The following HSPBP1 variants were observed in gnomAD, a reference collection of about 807,000 sequenced individuals.
The protein encoded by HSPBP1 is HSPA (Hsp70) binding protein 1.
A neutral mutation model predicts 41.7 loss-of-function variants in HSPBP1; 31 were observed. That is an observed-to-expected ratio of 0.74 (90% CI 0.56 to 1.00). The LOEUF is 1.00. Among genes scored for constraint, HSPBP1 ranks in the 50% least tolerant of loss-of-function variants. The pLI is 0.00. For synonymous variants in HSPBP1, 199 were observed against 214.4 expected (o/e 0.93, Z 0.63); for missense variants, 439 against 487.9 (o/e 0.90, Z 0.94).
chr19:55,263,597 A>G (rs2087700432), intron 7 of HSPBP1, among the ~76,000 whole-genome samples: 1 of 152,232 alleles, frequency 6.6e-6, no homozygotes, highest in African/African-American at 2.4e-5. Flanking sequence ...TGCTACAAAA[A>G]AGAGCCCATC....
chr19:55,278,017 T>A (rs895606373), intron 2 of HSPBP1, among the ~76,000 whole-genome samples, 171 bp from the exon 3 acceptor site: 1 of 151,762 alleles, frequency 6.6e-6, no homozygotes, highest in Non-Finnish European at 1.5e-5. Flanking sequence ...GAGGCCGAGG[T>A]GGGTAGACTG....
chr19:55,274,084 C>T (rs538622265), intron 4 of HSPBP1, among the ~76,000 whole-genome samples: 2 of 152,200 alleles, frequency 1.3e-5, no homozygotes, highest in East Asian at 1.9e-4. Context: ...GTGCACAGGA[C>T]GGCCCCCGAG....
At chr19:55,266,564 C>T (rs1248452208) in intron 4 of HSPBP1, among the ~76,000 whole-genome samples, 2 of 3,458 alleles carry the variant, frequency 5.8e-4, no homozygotes, top group Admixed American at 2.7e-3. Flanking sequence ...ATCACCATCA[C>T]TATCACCATC....
In HSPBP1 at chr19:55,272,964, C is replaced by G. The variant is rs1383040205; in HGVS notation, c.640+1434G>C. On this transcript the variant is annotated intron_variant, in intron 4 of 7. Transcript: ENST00000433386. This position sits in a 1 kb window ranked among gnomAD's most constrained non-coding sequence, Gnocchi z 4.2. The stretch of plus-strand genomic sequence containing the variant: ...AGAGAGTGATGATGGCTGCACAGCA[C>G]TGAATACACTAAGAAGTACTACGTT... 6.6e-6 allele frequency among the ~76,000 whole-genome samples: 1 copy of G among 152,188 alleles called. No individual in the cohort carries two copies. The highest frequency in any genetic ancestry group is 1.5e-5 in the Non-Finnish European group (1 of 68,040).
In HSPBP1 at chr19:55,274,394, T is replaced by C; in HGVS notation, c.640+4A>G. 2 of 1,024,980 alleles carry C rather than the reference T, an allele frequency of 2.0e-6. No homozygotes were observed. The highest frequency in any genetic ancestry group is 2.6e-6 in the Non-Finnish European group (2 of 778,348). 63.5% of individuals were successfully genotyped at this position (1,024,980 alleles called of 1,614,324 possible). A position where few individuals can be genotyped will look rare whatever the true frequency, so the allele number is the denominator to read the frequency against. On this transcript the variant is annotated splice_donor_region_variant and intron_variant, in intron 4 of 7. Transcript: ENST00000433386. The stretch of plus-strand genomic sequence containing the variant: ...CCTGTCCCCAGCCCCACCCGGACAC[T>C]CACAGGAGATGGCGAAGAGGGCCTT...
At chr19:55,266,307 C>T in intron 4 of HSPBP1, 21 bp from the exon 5 acceptor site, 1 of 1,554,222 alleles carries the variant, frequency 6.4e-7, no homozygotes, top group African/African-American at 1.4e-5. Flanking sequence ...GGGAAAGGTC[C>T]TGAGCTTGCA....
At position 55,270,985 on chromosome 19, in the gene HSPBP1, A is replaced by G. The variant is rs1397342911; in HGVS notation, c.640+3413T>C. 2.0e-5 allele frequency among the ~76,000 whole-genome samples: 3 copies of G among 148,782 alleles called. No individual in the cohort carries two copies. Among genetic ancestry groups the G allele is most frequent in the Non-Finnish European group, 4.5e-5 (3 of 67,216 alleles). On this transcript the variant is annotated intron_variant, in intron 4 of 7. Transcript: ENST00000433386. This position sits in a 1 kb window ranked among gnomAD's most constrained non-coding sequence, Gnocchi z 5.4. ...CAAACACCCCACATACACACCATAC[A>G]CACCCTACACACGCGCCACACACCC... is the stretch of plus-strand genomic sequence containing the variant.
chr19:55,270,571 C>A lies in HSPBP1; in HGVS notation c.640+3827G>T, dbSNP rs73935340. Among the ~76,000 whole-genome samples, 9,140 of 152,168 alleles carry A rather than the reference C, an allele frequency of 0.06. 327 individuals carry two copies. The highest frequency in any genetic ancestry group is 0.073 in the African/African-American group (3,016 of 41,490). On this transcript the variant is annotated intron_variant, in intron 4 of 7. Transcript: ENST00000433386. The surrounding 1 kb of genome is among the most constrained non-coding windows in gnomAD (Gnocchi z 5.4). ...GAAGGGGAAAGATAAGCTACTGTTG[C>A]TTAAGAAAAAAGGACAGAGGCAGGT...
intron 7 of HSPBP1, among the ~76,000 whole-genome samples, chr19:55,264,535 C>T (rs2087722005): frequency 6.6e-6 from 1 of 152,136 alleles, no homozygotes; most frequent in South Asian, 2.1e-4. Flanking sequence ...TATCTGATGA[C>T]TTGTTATTTA....
rs1246180469 is a variant in HSPBP1, at chr19:55,262,443, G to A, written c.*165C>T. ...ATGGGAGGTGGGGTCCAAGGAGCTGGTGCCTTTCTCAGCGCCCCTTCCAGG... is the reference window on the plus strand; with the variant it reads ...ATGGGAGGTGGGGTCCAAGGAGCTGATGCCTTTCTCAGCGCCCCTTCCAGG... On this transcript the variant is annotated 3_prime_UTR_variant, in exon 8 of 8. Coordinates refer to ENST00000433386, the MANE Select transcript of HSPBP1 (RefSeq NM_012267.5). The A allele has an allele frequency of 4.2e-6, 6 of 1,427,800 alleles. No homozygotes were observed. Among genetic ancestry groups the A allele is most frequent in the African/African-American group, 1.4e-5 (1 of 69,674 alleles). The allele number at this position is 1,427,800 out of a possible 1,614,324, so 88.4% of individuals were successfully genotyped here.
intron 4 of HSPBP1, 70 bp downstream of exon 4, chr19:55,274,328 T>A (rs1030934997): frequency 7.5e-5 from 92 of 1,224,782 alleles, no homozygotes; most frequent in Non-Finnish European, 9.7e-5. Context: ...CCCCAGCAGA[T>A]CCCGGGGGCC....
chr19:55,270,488 C>T lies in HSPBP1; in HGVS notation c.640+3910G>A, dbSNP rs1304683664. ...GCAACCTCATGCAACCTCATGAAGA[C>T]GCAAAGCCAGAAGCCGCCCTCCTCA... On this transcript the variant is annotated intron_variant, in intron 4 of 7. Coordinates refer to ENST00000433386, the MANE Select transcript of HSPBP1 (RefSeq NM_012267.5). This position sits in a 1 kb window ranked among gnomAD's most constrained non-coding sequence, Gnocchi z 5.4. Among the ~76,000 whole-genome samples the T allele has an allele frequency of 2.0e-5, 3 of 152,126 alleles. No homozygotes were observed. Among genetic ancestry groups the T allele is most frequent in the African/African-American group, 4.8e-5 (2 of 41,422 alleles).
intron 3 of HSPBP1, among the ~76,000 whole-genome samples, chr19:55,277,397 G>A (rs888648784): frequency 2.0e-5 from 3 of 152,222 alleles, no homozygotes; most frequent in Admixed American, 6.5e-5. Context: ...CTGGGGAGTG[G>A]CAGTGGACAC....
rs377149550 is a variant in HSPBP1, at chr19:55,266,298, G to A, written c.641-12C>T. 4.9e-5 allele frequency: 77 copies of A among 1,563,108 alleles called. No individual in the cohort carries two copies. The African/African-American group carries it at 8.9e-4, about 18-fold the overall frequency. The stretch of plus-strand genomic sequence containing the variant: ...CTCTCGGACCAGACCTGGGAGAGGG[G>A]GAAAGGTCCTGAGCTTGCAGTCACC... On this transcript the variant is annotated splice_polypyrimidine_tract_variant and intron_variant, in intron 4 of 7. Coordinates refer to ENST00000433386, the MANE Select transcript of HSPBP1 (RefSeq NM_012267.5).
At chr19:55,266,577 TATCACC>T (rs2087796243) in intron 4 of HSPBP1, among the ~76,000 whole-genome samples, 1 of 88,852 alleles carries the variant, frequency 1.1e-5, no homozygotes, top group Non-Finnish European at 2.3e-5. Context: ...TCACCATCAC[TATCACC>T]ATCACCACCA....
rs777996782 is a variant in HSPBP1 at position 55,265,974 on chromosome 19, A to C, written c.805T>G (p.Cys269Gly). Residue 269 changes from cysteine (C) to glycine (G), a missense_variant, in exon 6 of 8, where the codon TGC (cysteine) becomes GGC (glycine). Coordinates refer to ENST00000433386, the MANE Select transcript of HSPBP1 (RefSeq NM_012267.5). Reference sequence around the variant, plus strand: ...AGCTGCTGGACCATCCCCATGGAGCACAGGGTCCCTGGGGGGAGGGCTGCA... The same window carrying C: ...AGCTGCTGGACCATCCCCATGGAGCCCAGGGTCCCTGGGGGGAGGGCTGCA... ...VGHPEHKGTL[C>G]SMGMVQQLVA... 9 of 1,601,420 alleles carry C rather than the reference A, an allele frequency of 5.6e-6. No individual in the cohort carries two copies. The highest frequency in any genetic ancestry group is 3.5e-4 in the Middle Eastern group (2 of 5,688).
chr19:55,274,347 A>AGG, intron 4 of HSPBP1, 51 bp downstream of exon 4: 1 of 325,718 alleles, frequency 3.1e-6, no homozygotes. Flanking sequence ...CCCACCCGGC[A>AGG]CCCCCCCCCA....
chr19:55,262,263 C>T lies in HSPBP1; in HGVS notation c.*345G>A, dbSNP rs192502354. ...AACACTTTTATTATTCTTCCAGTGG[C>T]TCCCCAAGTCCCTTAAACCCGTGCC... On this transcript the variant is annotated 3_prime_UTR_variant, in exon 8 of 8. Coordinates refer to ENST00000433386, the MANE Select transcript of HSPBP1 (RefSeq NM_012267.5). 10 of 607,338 alleles carry T rather than the reference C, an allele frequency of 1.6e-5. No individual in the cohort carries two copies. The Admixed American group carries it at 3.8e-4, about 23-fold the overall frequency. The allele number at this position is 607,338 out of a possible 1,614,324, so 37.6% of individuals were successfully genotyped here.
At chr19:55,275,564 G>A (rs984132355) in intron 3 of HSPBP1, among the ~76,000 whole-genome samples, 2 of 152,182 alleles carry the variant, frequency 1.3e-5, no homozygotes, top group Non-Finnish European at 2.9e-5. Flanking sequence ...GGAGGCCAGG[G>A]TGGGCAGATC....
Sources: allele counts gnomAD v4.1 joint callset (sites outside exome capture counted in the v4.1 genomes callset), GRCh38; gene constraint gnomAD v4.1.1; non-coding constraint Gnocchi (gnomAD v3.1); transcripts MANE v1.5; gene names NCBI Gene and HGNC (gene_info 2026-07-23, HGNC 2026-07-21).